Variants in SFMBT2 observed in about 807,000 individuals in gnomAD.
SFMBT2 encodes scm-like with four MBT domains protein 2.
A neutral mutation model predicts 110.1 loss-of-function variants in SFMBT2; 38 were observed. That is an observed-to-expected ratio of 0.35 (90% confidence interval 0.27 to 0.45). SFMBT2 has a LOEUF of 0.45. Ranked by LOEUF, SFMBT2 falls within the 20% of genes least tolerant of loss-of-function variation. The pLI, the probability that SFMBT2 is intolerant of heterozygous loss-of-function variation, is 1.00. For synonymous variants in SFMBT2, 425 were observed against 425.4 expected (o/e 1.00, Z 0.01); for missense variants, 1,011 against 1,094.9 (o/e 0.92, Z 1.08).
chr10:7,211,420 T>C (rs912852061), intron 11 of SFMBT2, among the ~76,000 whole-genome samples: 5 of 152,126 alleles, frequency 3.3e-5, no homozygotes, highest in Admixed American at 1.3e-4. Context: ...TTGCTATGGT[T>C]CCTGCTGCAG....
At chr10:7,347,926 C>G (rs1844171552) in intron 4 of SFMBT2, among the ~76,000 whole-genome samples, 1 of 152,144 alleles carries the variant, frequency 6.6e-6, no homozygotes, top group South Asian at 2.1e-4. Flanking sequence ...ACGGTACTTA[C>G]AAATCTAAAG....
chr10:7,242,636 T>G (rs1261513303), intron 9 of SFMBT2, among the ~76,000 whole-genome samples: 1 of 152,038 alleles, frequency 6.6e-6, no homozygotes, highest in Non-Finnish European at 1.5e-5. Context: ...AGGACAAATA[T>G]GGGGAAAAAT....
intron 9 of SFMBT2, among the ~76,000 whole-genome samples, chr10:7,232,585 A>C (rs749267802): frequency 6.6e-6 from 1 of 152,254 alleles, no homozygotes. Flanking sequence ...AAAGACTGCT[A>C]TAAACATATA....
At chr10:7,358,125 G>T (rs924388013) in intron 4 of SFMBT2, among the ~76,000 whole-genome samples, 1 of 147,836 alleles carries the variant, frequency 6.8e-6, no homozygotes, top group African/African-American at 2.5e-5. Context: ...TAGAACATCT[G>T]CATGGCCCTG....
chr10:7,304,052 G>A (rs1235495464), intron 4 of SFMBT2, among the ~76,000 whole-genome samples: 8 of 152,320 alleles, frequency 5.3e-5, no homozygotes, highest in African/African-American at 2.4e-5. Flanking sequence ...CCACGGAGAT[G>A]GGTCTTCAGC....
Position 7,227,941 on chromosome 10 carries a change from G to A in SFMBT2, c.1121-4C>T, listed in dbSNP as rs1839945978. The stretch of plus-strand genomic sequence containing the variant: ...TCGAAGTCCTGGCCAGAGTAACCTG[G>A]GAATGACAAAACACAGATAAAACAG... On this transcript the variant is annotated splice_polypyrimidine_tract_variant and splice_region_variant and intron_variant, in intron 9 of 20. Coordinates refer to ENST00000397167, the MANE Select transcript of SFMBT2 (RefSeq NM_001387889.1). 1.9e-6 allele frequency: 3 copies of A among 1,578,630 alleles called. No individual in the cohort carries two copies. The highest frequency in any genetic ancestry group is 2.6e-6 in the Non-Finnish European group (3 of 1,168,184).
At chr10:7,259,769 C>T (rs988880191) in intron 7 of SFMBT2, among the ~76,000 whole-genome samples, 9 of 152,240 alleles carry the variant, frequency 5.9e-5, no homozygotes, top group African/African-American at 2.2e-4. Flanking sequence ...TTAACTCACT[C>T]TAGTACCCAC....
At chr10:7,254,813 C>T (rs892836502) in intron 7 of SFMBT2, among the ~76,000 whole-genome samples, 1 of 152,012 alleles carries the variant, frequency 6.6e-6, no homozygotes, top group African/African-American at 2.4e-5. Flanking sequence ...GGCAACAGAG[C>T]AAGACTCCGT....
At chr10:7,313,209 A>T (rs943793678) in intron 4 of SFMBT2, among the ~76,000 whole-genome samples, 25 of 149,888 alleles carry the variant, frequency 1.7e-4, no homozygotes, top group African/African-American at 6.1e-4. Context: ...AACATATAAC[A>T]TTATTTATAT....
rs777061190 is a variant in SFMBT2, at chr10:7,408,576, A to T, written c.-52+2285T>A. 6.1e-4 allele frequency among the ~76,000 whole-genome samples: 92 copies of T among 151,986 alleles called. No homozygotes were observed. The highest frequency in any genetic ancestry group is 1.0e-3 in the Non-Finnish European group (71 of 67,948). ...CCACCTGCCCCCGCCAGCCCCGGGGACCGTGCGCGGCCTCCGTGTGGCCCC... is the reference window on the plus strand; with the variant it reads ...CCACCTGCCCCCGCCAGCCCCGGGGTCCGTGCGCGGCCTCCGTGTGGCCCC... On this transcript the variant is annotated intron_variant, in intron 1 of 20. Transcript: ENST00000397167. The surrounding 1 kb of genome is among the most constrained non-coding windows in gnomAD (Gnocchi z 5.7).
chr10:7,237,954 T>G (rs576092961), intron 9 of SFMBT2, among the ~76,000 whole-genome samples: 1 of 152,140 alleles, frequency 6.6e-6, no homozygotes, highest in African/African-American at 2.4e-5. Flanking sequence ...GAACAGCAGG[T>G]GCCACGTCAG....
chr10:7,212,121 A>G (rs142379928), intron 11 of SFMBT2, among the ~76,000 whole-genome samples: 357 of 152,302 alleles, frequency 2.3e-3, no homozygotes, highest in Middle Eastern at 0.014. Context: ...GTCTGGGAGA[A>G]ATGTGCATTC....
intron 11 of SFMBT2, 70 bp from the exon 12 acceptor site, chr10:7,205,998 T>C (rs1839122261): frequency 5.0e-6 from 8 of 1,585,774 alleles, no homozygotes; most frequent in East Asian, 2.3e-5. Flanking sequence ...AGGACAACAA[T>C]AATAGAGCAT....
intron 4 of SFMBT2, among the ~76,000 whole-genome samples, chr10:7,337,745 C>A (rs1379710449): frequency 6.6e-6 from 1 of 152,132 alleles, no homozygotes; most frequent in Non-Finnish European, 1.5e-5. Flanking sequence ...AACACAGGCA[C>A]CCAAGACCAT....
At position 7,161,608 on chromosome 10, in the gene SFMBT2, T is replaced by C. The variant is rs1025079094; in HGVS notation, c.*2162A>G. On this transcript the variant is annotated 3_prime_UTR_variant, in exon 21 of 21. Transcript: ENST00000397167. Reference sequence around the variant, plus strand: ...AAGCCAGCCACAGATCCCAGAGACATTTCTGTCGGGGTACAACTGACACAC... The same window carrying C: ...AAGCCAGCCACAGATCCCAGAGACACTTCTGTCGGGGTACAACTGACACAC... 3.3e-5 allele frequency: 5 copies of C among 152,010 alleles called. No individual in the cohort carries two copies. Among genetic ancestry groups the C allele is most frequent in the Non-Finnish European group, 5.9e-5 (4 of 68,022 alleles). 9.4% of individuals were successfully genotyped at this position (152,010 alleles called of 1,614,324 possible).
At chr10:7,206,049 C>G (rs201854587) in intron 11 of SFMBT2, 121 bp from the exon 12 acceptor site, 2 of 971,746 alleles carry the variant, frequency 2.1e-6, no homozygotes, top group Non-Finnish European at 2.7e-6. Context: ...CATTAAAAAA[C>G]AAAAACAAAA....
chr10:7,198,266 T>C (rs903686206), intron 14 of SFMBT2: 8 of 438,690 alleles, frequency 1.8e-5, no homozygotes, highest in African/African-American at 2.1e-5. Context: ...TCTTTGACTC[T>C]ATTGAATTAA....
At chr10:7,405,365 C>T (rs1846183891) in intron 1 of SFMBT2, among the ~76,000 whole-genome samples, 1 of 152,242 alleles carries the variant, frequency 6.6e-6, no homozygotes, top group African/African-American at 2.4e-5. Flanking sequence ...ACTGCTCTAA[C>T]CCAGTCCATA....
intron 7 of SFMBT2, among the ~76,000 whole-genome samples, chr10:7,268,667 C>T (rs574333435): frequency 1.7e-4 from 26 of 152,208 alleles, no homozygotes; most frequent in African/African-American, 6.0e-4. Flanking sequence ...CCCACCACCA[C>T]GCCCAGCTAA....
Sources: allele counts gnomAD v4.1 joint callset (sites outside exome capture counted in the v4.1 genomes callset), GRCh38; gene constraint gnomAD v4.1.1; non-coding constraint Gnocchi (gnomAD v3.1); transcripts MANE v1.5; gene names NCBI Gene and HGNC (gene_info 2026-07-23, HGNC 2026-07-21).